The following CYP3A43 variants were observed in gnomAD, a reference collection of about 807,000 sequenced individuals.
CYP3A43 encodes the protein cytochrome P450 3A43.
In CYP3A43, 45 loss-of-function variants were observed where a neutral mutation model predicts 58.0. The observed-to-expected ratio is 0.78, with a 90% confidence interval of 0.61 to 0.99. The LOEUF (loss-of-function observed/expected upper bound fraction) is 0.99. CYP3A43 is among the 50% of genes least tolerant of loss of function. The pLI is 0.00. For synonymous variants in CYP3A43, 191 were observed against 201.4 expected, an observed-to-expected ratio of 0.95 and a Z score of 0.44; for missense variants, 593 against 591.9, an observed-to-expected ratio of 1.00 and a Z score of -0.02.
intron 12 of CYP3A43, among the ~76,000 whole-genome samples, chr7:99,865,088 T>A (rs908260358): frequency 6.7e-6 from 1 of 148,492 alleles, no homozygotes; most frequent in Admixed American, 6.6e-5. Flanking sequence ...ATCCTCTAAG[T>A]GTGTACAGAC....
Position 99,836,459 on chromosome 7 carries a change from G to A in CYP3A43, c.78G>A (p.Gly26=), listed in dbSNP as rs1817082296. The change falls in exon 2 of 13, where the codon GGG becomes GGA. Residue 26 remains glycine, a synonymous_variant. Transcript: ENST00000354829. ...TTTCTCTTTTATTTTATAGTTATGG[G>A]ACCCATTCACATAAACTTTTTAAGA... ...ATSLVLLYIY[G]THSHKLFKKL... 1.9e-6 allele frequency: 3 copies of A among 1,611,494 alleles called. No homozygotes were observed. The highest frequency in any genetic ancestry group is 1.6e-4 in the Middle Eastern group (1 of 6,070).
At position 99,861,808 on chromosome 7, in the gene CYP3A43, T is replaced by C; in HGVS notation, c.1222T>C (p.Trp408Arg). The C allele has an allele frequency of 6.2e-7, 1 of 1,614,134 alleles. No homozygotes were observed. The highest frequency in any genetic ancestry group is 8.5e-7 in the Non-Finnish European group (1 of 1,179,964). The part of the protein sequence containing the change: ...IYALHHDPKY[W>R]TEPEKFCPER... ...TGCTCTTCACCATGACCCAAAGTAC[T>C]GGACAGAGCCTGAGAAGTTCTGCCC... The change falls in exon 11 of 13, where the codon TGG (tryptophan) becomes CGG (arginine). Residue 408 changes from tryptophan (W) to arginine (R), a missense_variant. Coordinates refer to ENST00000354829, the MANE Select transcript of CYP3A43 (RefSeq NM_057095.3).
intron 2 of CYP3A43, 105 bp downstream of exon 2, chr7:99,836,651 C>A: frequency 1.2e-6 from 1 of 817,554 alleles, no homozygotes; most frequent in Non-Finnish European, 1.9e-6. Flanking sequence ...CAATGTTTTA[C>A]ACTTTCAGAA....
In CYP3A43 at chr7:99,866,093, A is replaced by C. The variant is rs527940352; in HGVS notation, c.*92A>C. 1.3e-6 allele frequency: 1 copy of C among 754,764 alleles called. No homozygotes were observed. Among genetic ancestry groups the C allele is most frequent in the South Asian group, 2.2e-5 (1 of 44,752 alleles). 46.8% of individuals were successfully genotyped at this position (754,764 alleles called of 1,614,324 possible). A position where few individuals can be genotyped will look rare whatever the true frequency, so the allele number is the denominator to read the frequency against. On this transcript the variant is annotated 3_prime_UTR_variant, in exon 13 of 13. Transcript: ENST00000354829. ...TTTTGTGAATAAAACTCAGAAATGA[A>C]GATGAGCTTAATTAACCTAGTATAC...
At chr7:99,838,641 CA>C in intron 2 of CYP3A43, 1 of 1,280,988 alleles carries the variant, frequency 7.8e-7, no homozygotes, top group South Asian at 1.3e-5. Flanking sequence ...TTCTCCATTT[CA>C]AATATCTTCT....
In CYP3A43 at chr7:99,840,039, C is replaced by G. The variant is rs936883924; in HGVS notation, c.218+867C>G. On this transcript the variant is annotated intron_variant, in intron 3 of 12. Transcript: ENST00000354829. ...AACATAACCAGCTTCCAAGGTAGCCCTTTTCTATTGGCACAGCTGCCAGCA... is the reference window on the plus strand; with the variant it reads ...AACATAACCAGCTTCCAAGGTAGCCGTTTTCTATTGGCACAGCTGCCAGCA... Among the ~76,000 whole-genome samples, 4 of 152,126 alleles carry G rather than the reference C, an allele frequency of 2.6e-5. No individual in the cohort carries two copies. In the East Asian group the frequency reaches 5.8e-4, roughly 22 times the overall value.
intron 9 of CYP3A43, among the ~76,000 whole-genome samples, chr7:99,857,603 G>A (rs941105852): frequency 6.6e-6 from 1 of 152,174 alleles, no homozygotes. Flanking sequence ...AGCACTTTGG[G>A]AGGCCGAGGC....
At chr7:99,852,623 T>A (rs1817806044) in intron 7 of CYP3A43, among the ~76,000 whole-genome samples, 1 of 152,210 alleles carries the variant, frequency 6.6e-6, no homozygotes, top group Non-Finnish European at 1.5e-5. Context: ...AAATACAGTT[T>A]ATTTCTGTAT....
At chr7:99,848,290 G>A (rs757422577) in intron 6 of CYP3A43, 36 bp downstream of exon 6, 1 of 1,604,842 alleles carries the variant, frequency 6.2e-7, no homozygotes, top group East Asian at 2.2e-5. Flanking sequence ...GAGCTGTCAT[G>A]AGCCCCTCCA....
At chr7:99,829,212 A>G (rs1026376002) in intron 1 of CYP3A43, among the ~76,000 whole-genome samples, 1 of 152,214 alleles carries the variant, frequency 6.6e-6, no homozygotes, top group Non-Finnish European at 1.5e-5. Context: ...AACAGAGCCC[A>G]TTCATCAAGA....
intron 1 of CYP3A43, among the ~76,000 whole-genome samples, chr7:99,835,407 C>T (rs1817029722): frequency 6.6e-6 from 1 of 152,160 alleles, no homozygotes; most frequent in Non-Finnish European, 1.5e-5. Flanking sequence ...TTGCAGACTG[C>T]TTCTGGTTTT....
intron 11 of CYP3A43, among the ~76,000 whole-genome samples, chr7:99,863,027 A>G (rs1287390343): frequency 6.6e-6 from 1 of 152,114 alleles, no homozygotes; most frequent in African/African-American, 2.4e-5. Flanking sequence ...TCCATATACT[A>G]AAAAAAGTCT....
intron 1 of CYP3A43, among the ~76,000 whole-genome samples, chr7:99,834,125 C>A (rs1247014896): frequency 6.6e-6 from 1 of 152,184 alleles, no homozygotes; most frequent in Non-Finnish European, 1.5e-5. Context: ...AATCTAAAGC[C>A]AGCCTATTTT....
At chr7:99,849,815 A>G (rs868141882) in intron 7 of CYP3A43, 121 bp downstream of exon 7, 24 of 1,071,086 alleles carry the variant, frequency 2.2e-5, no homozygotes, top group Middle Eastern at 6.3e-4. Context: ...GTATAATTCA[A>G]TGGTTTTTGG....
chr7:99,840,689 C>T (rs1322405640), intron 3 of CYP3A43, among the ~76,000 whole-genome samples: 1 of 152,130 alleles, frequency 6.6e-6, no homozygotes, highest in Non-Finnish European at 1.5e-5. Flanking sequence ...TCCCAAAACC[C>T]TCTTTGGAAA....
At chr7:99,845,067 C>CAAAAA (rs575207725) in intron 4 of CYP3A43, among the ~76,000 whole-genome samples, 1 of 105,494 alleles carries the variant, frequency 9.5e-6, no homozygotes, top group Non-Finnish European at 2.2e-5. Flanking sequence ...GACTCAGTCT[C>CAAAAA]AAAAAAAAAA....
chr7:99,828,481 T>G (rs1034407889), intron 1 of CYP3A43, among the ~76,000 whole-genome samples: 4 of 151,988 alleles, frequency 2.6e-5, no homozygotes, highest in African/African-American at 9.7e-5. Flanking sequence ...ACCAACATGG[T>G]GAAACCCCTT....
chr7:99,839,117 CA>C lies in CYP3A43; in HGVS notation c.166-2del, dbSNP rs1817218465. The C allele has an allele frequency of 3.7e-6, 6 of 1,614,046 alleles. 1 individual carries two copies. The Middle Eastern group carries it at 6.6e-4, about 178-fold the overall frequency. ...TTGAATTGTATTTTGTTTCTTCTGC[CA>C]GGGTCTTTGGAATTTTGACAGAGAA... On this transcript the variant is annotated splice_acceptor_variant, in intron 2 of 12. Coordinates refer to ENST00000354829, the MANE Select transcript of CYP3A43 (RefSeq NM_057095.3). LOFTEE classifies it high-confidence loss of function.
intron 3 of CYP3A43, among the ~76,000 whole-genome samples, chr7:99,842,217 T>A (rs577690936): frequency 2.0e-5 from 3 of 152,204 alleles, no homozygotes; most frequent in Non-Finnish European, 4.4e-5. Context: ...TCTCCCTAGC[T>A]ATATAAAAAA....
Sources: allele counts gnomAD v4.1 joint callset (sites outside exome capture counted in the v4.1 genomes callset), GRCh38; gene constraint gnomAD v4.1.1; transcripts MANE v1.5; gene names NCBI Gene and HGNC (gene_info 2026-07-23, HGNC 2026-07-21).